The following PRR16 variants were observed in gnomAD, a reference collection of about 807,000 sequenced individuals.
PRR16 encodes proline rich 16.
In PRR16, 6 loss-of-function variants were observed where a neutral mutation model predicts 18.2. The observed-to-expected ratio is 0.33, with a 90% CI of 0.18 to 0.65. The LOEUF is 0.65. Ranked by LOEUF, PRR16 falls within the 30% of genes least tolerant of loss-of-function variation. The pLI is 0.74. For missense variants in PRR16, 412 were observed against 376.6 expected, an observed-to-expected ratio of 1.09 and a Z score of -0.78; for synonymous variants, 151 against 147.8, an observed-to-expected ratio of 1.02 and a Z score of -0.16.
chr5:120,543,394 T>C (rs1174561074), intron 1 of PRR16, among the ~76,000 whole-genome samples: 1 of 152,146 alleles, frequency 6.6e-6, no homozygotes, highest in Non-Finnish European at 1.5e-5. Flanking sequence ...CTGGGGACCA[T>C]TATGTCAAAT....
At chr5:120,745,960 T>A in the PRR16 span, among the ~76,000 whole-genome samples, 1 of 150,906 alleles carries the variant, frequency 6.6e-6, no homozygotes, top group Admixed American at 6.6e-5. Flanking sequence ...GATTCACCCA[T>A]CTTTGCCCCC....
chr5:120,765,136 A>G, the PRR16 span, among the ~76,000 whole-genome samples: 2 of 152,224 alleles, frequency 1.3e-5, no homozygotes, highest in East Asian at 3.9e-4. Context: ...ACAAAATTAT[A>G]TGGTTCTAAA....
the PRR16 span, among the ~76,000 whole-genome samples, chr5:120,701,274 C>T: frequency 9.2e-5 from 14 of 152,108 alleles, no homozygotes; most frequent in South Asian, 2.1e-4. Context: ...TATTTAATGT[C>T]GGGAGCAGAT....
At chr5:120,758,639 A>G in the PRR16 span, among the ~76,000 whole-genome samples, 1 of 151,972 alleles carries the variant, frequency 6.6e-6, no homozygotes, top group East Asian at 1.9e-4. Flanking sequence ...TAAAAGTGGC[A>G]GTTTCTCCTG....
intron 1 of PRR16, among the ~76,000 whole-genome samples, chr5:120,544,437 T>A (rs1381630368): frequency 1.3e-5 from 2 of 152,240 alleles, no homozygotes; most frequent in Middle Eastern, 3.4e-3. Context: ...ACTTCAAACA[T>A]TTTTGCTCAT....
chr5:120,777,777 G>A, the PRR16 span, among the ~76,000 whole-genome samples: 6 of 152,020 alleles, frequency 3.9e-5, no homozygotes, highest in African/African-American at 7.2e-5. Context: ...TGAATACTGC[G>A]AATCTATTAA....
rs1443709819 is a variant in PRR16 at position 120,622,385 on chromosome 5, C to T, written c.160-63569C>T. Among the ~76,000 whole-genome samples the T allele has an allele frequency of 2.0e-5, 3 of 152,178 alleles. No homozygotes were observed. In the East Asian group the frequency reaches 5.8e-4, roughly 29 times the overall value. On this transcript the variant is annotated intron_variant, in intron 1 of 1. Coordinates refer to ENST00000407149, the MANE Select transcript of PRR16 (RefSeq NM_001300783.2). The stretch of plus-strand genomic sequence containing the variant: ...CACAGAGCTGAAGTTGTGTCTTATT[C>T]ATTACTCTAATATTGTCTTCTGAGA...
At chr5:120,503,675 C>CACA (rs1361298423) in intron 1 of PRR16, among the ~76,000 whole-genome samples, 2 of 151,948 alleles carry the variant, frequency 1.3e-5, no homozygotes, top group Admixed American at 1.3e-4. Flanking sequence ...TTTTAGGGTA[C>CACA]ATGTGCACAA....
At position 120,612,072 on chromosome 5, in the gene PRR16, C is replaced by T. The variant is rs1182953650; in HGVS notation, c.160-73882C>T. 3.3e-5 allele frequency among the ~76,000 whole-genome samples: 5 copies of T among 152,074 alleles called. No individual in the cohort carries two copies. In the East Asian group the frequency reaches 5.8e-4, roughly 18 times the overall value. On this transcript the variant is annotated intron_variant, in intron 1 of 1. Transcript: ENST00000407149. Reference sequence around the variant, plus strand: ...CATTTTGGGGCTTTAAAATTTGCTCCGCTGGATTTCAAACTTGCACAGCCC... The same window carrying T: ...CATTTTGGGGCTTTAAAATTTGCTCTGCTGGATTTCAAACTTGCACAGCCC...
chr5:120,552,821 C>T (rs1752294846), intron 1 of PRR16, among the ~76,000 whole-genome samples: 1 of 151,728 alleles, frequency 6.6e-6, no homozygotes, highest in Admixed American at 6.6e-5. Context: ...ATGTGTCATA[C>T]CTGAAGTTAT....
intron 1 of PRR16, among the ~76,000 whole-genome samples, chr5:120,549,269 T>G (rs193167105): frequency 3.2e-3 from 493 of 152,218 alleles, no homozygotes; most frequent in Admixed American, 8.5e-3. Context: ...CTAATTTTTT[T>G]GTTTTTATTT....
intron 1 of PRR16, among the ~76,000 whole-genome samples, chr5:120,628,040 C>A (rs1443200957): frequency 6.6e-6 from 1 of 152,080 alleles, no homozygotes; most frequent in Admixed American, 6.6e-5. Context: ...TAGCAAAAAA[C>A]ATGTATCCTA....
chr5:120,766,490 A>C, the PRR16 span, among the ~76,000 whole-genome samples: 13 of 151,892 alleles, frequency 8.6e-5, no homozygotes, highest in African/African-American at 1.7e-4. Flanking sequence ...AGTACTAGTC[A>C]ATTGTGTCAT....
chr5:120,766,855 G>T, the PRR16 span, among the ~76,000 whole-genome samples: 1 of 151,812 alleles, frequency 6.6e-6, no homozygotes, highest in Admixed American at 6.6e-5. Context: ...GTATAATCCT[G>T]GTTAATTGTC....
chr5:120,500,003 A>G lies in PRR16; in HGVS notation c.159+35358A>G, dbSNP rs1392056731. Among the ~76,000 whole-genome samples, 3 of 151,722 alleles carry G rather than the reference A, an allele frequency of 2.0e-5. No individual in the cohort carries two copies. In the East Asian group the frequency reaches 5.8e-4, roughly 29 times the overall value. The stretch of plus-strand genomic sequence containing the variant: ...ACTTTTTACTGTTTTTTGAGTATTA[A>G]CCTCCAGTCTCTATCCTTACTCAGC... On this transcript the variant is annotated intron_variant, in intron 1 of 1. Coordinates refer to ENST00000407149, the MANE Select transcript of PRR16 (RefSeq NM_001300783.2).
At position 120,599,927 on chromosome 5, in the gene PRR16, T is replaced by A. The variant is rs113318171; in HGVS notation, c.160-86027T>A. On this transcript the variant is annotated intron_variant, in intron 1 of 1. Coordinates refer to ENST00000407149, the MANE Select transcript of PRR16 (RefSeq NM_001300783.2). ...CCCACAGGACCATATAAAATTCATG[T>A]CAAGGTTTGCAACAGATTTTCTTCA... Among the ~76,000 whole-genome samples, 572 of 152,004 alleles carry A rather than the reference T, an allele frequency of 3.8e-3. 6 individuals are homozygous for A. The highest frequency in any genetic ancestry group is 0.012 in the African/African-American group (517 of 41,518).
At chr5:120,739,650 A>G in the PRR16 span, among the ~76,000 whole-genome samples, 1 of 152,178 alleles carries the variant, frequency 6.6e-6, no homozygotes, top group African/African-American at 2.4e-5. Context: ...TAAACCTAAC[A>G]ATAGCACCAC....
chr5:120,754,455 A>C, the PRR16 span, among the ~76,000 whole-genome samples: 9 of 28,510 alleles, frequency 3.2e-4, no homozygotes, highest in East Asian at 9.2e-3. Flanking sequence ...ATATTATATA[A>C]TATATAGTAT....
chr5:120,743,329 G>T, the PRR16 span, among the ~76,000 whole-genome samples: 1 of 150,648 alleles, frequency 6.6e-6, no homozygotes, highest in African/African-American at 2.4e-5. Flanking sequence ...AGAAGCTTTT[G>T]TTTGATTGTT....
Sources: allele counts gnomAD v4.1 joint callset (sites outside exome capture counted in the v4.1 genomes callset), GRCh38; gene constraint gnomAD v4.1.1; transcripts MANE v1.5; gene names NCBI Gene and HGNC (gene_info 2026-07-23, HGNC 2026-07-21).